The following SAMMSON variants were observed in gnomAD, a reference collection of about 807,000 sequenced individuals.
SAMMSON encodes the protein long intergenic non-protein coding RNA 1212.
chr3:70,137,694 T>A (rs1164091982), intron 4 of SAMMSON: 1 of 152,218 alleles, frequency 6.6e-6, no homozygotes, highest in Non-Finnish European at 1.5e-5. Flanking sequence ...CCACAGTTTT[T>A]AAAATAAGAA....
At chr3:70,427,313 A>G (rs1701378006) in intron 2 of SAMMSON, among the ~76,000 whole-genome samples, 1 of 152,164 alleles carries the variant, frequency 6.6e-6, no homozygotes, top group Non-Finnish European at 1.5e-5. Flanking sequence ...AGTAGTTTCT[A>G]CTAACTGATA....
intron 4 of SAMMSON, among the ~76,000 whole-genome samples, chr3:70,099,719 C>G (rs2067335414): frequency 6.6e-6 from 1 of 152,198 alleles, no homozygotes; most frequent in Admixed American, 6.5e-5. Flanking sequence ...CCATCTCCTA[C>G]TTAAGTTTTG....
In SAMMSON at chr3:70,259,644, G is replaced by A. The variant is rs569730642; in HGVS notation, n.674+9974G>A. On this transcript the variant is annotated intron_variant and non_coding_transcript_variant, in intron 6 of 9. Transcript: ENST00000642114. ...CATCTCTACACCCTGAAAGTCTGAC[G>A]TGTAAGGTCTTCATCAGTGGGCTCC... 2.0e-4 allele frequency among the ~76,000 whole-genome samples: 31 copies of A among 152,242 alleles called. No homozygotes were observed. In the South Asian group the frequency reaches 5.2e-3, roughly 25 times the overall value.
chr3:70,253,881 T>G (rs1701791201), intron 6 of SAMMSON, among the ~76,000 whole-genome samples: 1 of 152,146 alleles, frequency 6.6e-6, no homozygotes, highest in Non-Finnish European at 1.5e-5. Context: ...TTCCTGGAGA[T>G]AAAACTTTTT....
At chr3:70,120,201 T>G (rs935167665) in intron 4 of SAMMSON, 1 of 152,124 alleles carries the variant, frequency 6.6e-6, no homozygotes, top group Non-Finnish European at 1.5e-5. Context: ...GATTCACTTT[T>G]AACTCTTCAC....
chr3:70,108,507 T>C (rs1482243227), intron 4 of SAMMSON, among the ~76,000 whole-genome samples: 1 of 150,028 alleles, frequency 6.7e-6, no homozygotes, highest in Non-Finnish European at 1.5e-5. Context: ...TCACCTATTA[T>C]ATTTTAAAGC....
intron 4 of SAMMSON, among the ~76,000 whole-genome samples, chr3:70,083,533 G>A (rs962343687): frequency 1.3e-5 from 2 of 152,128 alleles, no homozygotes; most frequent in African/African-American, 4.8e-5. Context: ...ACAGCATCAG[G>A]ACCTTAAATT....
intron 3 of SAMMSON, among the ~76,000 whole-genome samples, chr3:70,063,017 A>G (rs914982449): frequency 3.3e-5 from 5 of 151,822 alleles, no homozygotes; most frequent in African/African-American, 1.2e-4. Flanking sequence ...TTCACTACAA[A>G]ACTGAAGCAC....
rs144806440 is a variant in SAMMSON, at chr3:70,025,808, C to A, written n.417+12136C>A. ...TGTTATATGTATTATATACTGTATT[C>A]GTACAATAAAGTAAGCTAGAGAAAA... On this transcript the variant is annotated intron_variant and non_coding_transcript_variant, in intron 3 of 9. Coordinates refer to ENST00000642114, the Ensembl canonical transcript of SAMMSON. 2.2e-4 allele frequency among the ~76,000 whole-genome samples: 33 copies of A among 152,030 alleles called. No individual in the cohort carries two copies. The East Asian group carries it at 6.2e-3, about 28-fold the overall frequency.
intron 4 of SAMMSON, among the ~76,000 whole-genome samples, chr3:70,144,727 T>C (rs939395441): frequency 1.3e-5 from 2 of 152,114 alleles, no homozygotes; most frequent in Non-Finnish European, 2.9e-5. Flanking sequence ...TGATAATGAA[T>C]GGGTCTCACA....
chr3:70,176,192 A>G (rs778272954), intron 4 of SAMMSON, among the ~76,000 whole-genome samples: 6 of 152,140 alleles, frequency 3.9e-5, no homozygotes, highest in Non-Finnish European at 5.9e-5. Context: ...GACCAGGCAA[A>G]TCATGGAGGT....
intron 3 of SAMMSON, among the ~76,000 whole-genome samples, chr3:70,036,718 A>T (rs1020265669): frequency 6.6e-6 from 1 of 152,106 alleles, no homozygotes; most frequent in African/African-American, 2.4e-5. Flanking sequence ...GAGCAAAGAT[A>T]GGGTGAATTG....
chr3:70,365,668 G>C (rs892847379), intron 9 of SAMMSON, among the ~76,000 whole-genome samples: 33 of 151,732 alleles, frequency 2.2e-4, no homozygotes, highest in African/African-American at 8.0e-4. Flanking sequence ...GAGTTCTGCA[G>C]TTAGGTGTAG....
intron 4 of SAMMSON, among the ~76,000 whole-genome samples, chr3:70,114,653 ATAGAAAAG>A (rs1227161461): frequency 6.6e-6 from 1 of 152,214 alleles, no homozygotes; most frequent in East Asian, 1.9e-4. Context: ...AAATGAAAGG[ATAGAAAAG>A]TGGAATTTTT....
chr3:70,367,827 A>G (rs1702933048), intron 9 of SAMMSON, among the ~76,000 whole-genome samples: 1 of 151,604 alleles, frequency 6.6e-6, no homozygotes, highest in Non-Finnish European at 1.5e-5. Flanking sequence ...GGCTGTACTA[A>G]TTTAATTCCC....
intron 7 of SAMMSON, among the ~76,000 whole-genome samples, chr3:70,351,762 A>T (rs559418684): frequency 3.3e-4 from 50 of 152,220 alleles, no homozygotes; most frequent in African/African-American, 1.2e-3. Context: ...AGAACGAGGC[A>T]CCCTAGCAAG....
chr3:70,265,902 G>A (rs928296466), intron 6 of SAMMSON, among the ~76,000 whole-genome samples: 69 of 152,224 alleles, frequency 4.5e-4, no homozygotes, highest in African/African-American at 1.5e-3. Flanking sequence ...TCACGAGAAC[G>A]GCATGGGGGA....
chr3:70,140,337 G>T, intron 4 of SAMMSON: 1 of 221,218 alleles, frequency 4.5e-6, no homozygotes, highest in South Asian at 8.7e-5. Context: ...CAAGCAGCTG[G>T]AGAAATGTGT....
intron 7 of SAMMSON, among the ~76,000 whole-genome samples, chr3:70,349,442 C>T (rs190567709): frequency 1.3e-5 from 2 of 152,044 alleles, no homozygotes; most frequent in African/African-American, 2.4e-5. Flanking sequence ...GCATGTAAGG[C>T]GGCCAGCAAC....
Sources: gnomAD v4.1 joint callset for allele counts (sites outside exome capture counted in the v4.1 genomes callset) on GRCh38, gnomAD v4.1.1 for gene constraint, MANE v1.5 for transcripts, NCBI Gene and HGNC (gene_info 2026-07-23, HGNC 2026-07-21) for gene names.